RBFOX1: variants seen among roughly 807,000 people sequenced by gnomAD.
The protein encoded by RBFOX1 is RNA binding protein fox-1 homolog 1.
A neutral mutation model predicts 57.7 loss-of-function variants in RBFOX1; 8 were observed. That is an observed-to-expected ratio of 0.14 (90% CI 0.08 to 0.25). The LOEUF (loss-of-function observed/expected upper bound fraction) is 0.25, where lower values mean the gene tolerates loss of function less well. Among genes scored for constraint, RBFOX1 ranks in the 10% least tolerant of loss-of-function variants. RBFOX1 has a pLI of 1.00. For synonymous variants in RBFOX1, 326 were observed against 222.4 expected (o/e 1.47, Z -4.15); for missense variants, 611 against 548.5 (o/e 1.11, Z -1.14).
intron 3 of RBFOX1, among the ~76,000 whole-genome samples, chr16:6,828,114 A>C (rs891957340): frequency 6.6e-6 from 1 of 152,198 alleles, no homozygotes; most frequent in East Asian, 1.9e-4. Flanking sequence ...TACAGGTGGC[A>C]TGGGACAGCA....
At chr16:7,047,969 G>A (rs1199759226) in intron 3 of RBFOX1, among the ~76,000 whole-genome samples, 1 of 141,612 alleles carries the variant, frequency 7.1e-6, no homozygotes, top group Non-Finnish European at 1.5e-5. Context: ...ACCTCCCCCT[G>A]CCGGGTTCAA....
intron 2 of RBFOX1, among the ~76,000 whole-genome samples, chr16:6,473,117 C>G (rs2095216027): frequency 6.6e-6 from 1 of 152,140 alleles, no homozygotes; most frequent in Admixed American, 6.5e-5. Flanking sequence ...CCAGGATGCC[C>G]TGCAACACAT....
At chr16:7,287,688 ACAC>A (rs1325600869) in intron 4 of RBFOX1, among the ~76,000 whole-genome samples, 4 of 152,248 alleles carry the variant, frequency 2.6e-5, no homozygotes, top group African/African-American at 7.2e-5. Context: ...TCGCCTCTCA[ACAC>A]CACATTTGGG....
At position 6,867,165 on chromosome 16, in the gene RBFOX1, G is replaced by C. The variant is rs563845789; in HGVS notation, c.-15-184892G>C. 1.6e-4 allele frequency among the ~76,000 whole-genome samples: 24 copies of C among 152,230 alleles called. No homozygotes were observed. The South Asian group carries it at 5.0e-3, about 32-fold the overall frequency. ...GAGATGTACTAAGTGCAGAAGTTTT[G>C]TGAGTTTTCTTCTTGGTCTTGCAAA... On this transcript the variant is annotated intron_variant, in intron 3 of 15. Transcript: ENST00000550418.
intron 2 of RBFOX1, among the ~76,000 whole-genome samples, chr16:5,534,145 G>A (rs972719339): frequency 1.2e-4 from 18 of 152,152 alleles, no homozygotes; most frequent in African/African-American, 4.3e-4. Flanking sequence ...GCCTAGTCAG[G>A]TGCCTAGGGT....
intron 1 of RBFOX1, among the ~76,000 whole-genome samples, chr16:6,033,120 G>A (rs183811073): frequency 1.2e-4 from 19 of 152,230 alleles, no homozygotes; most frequent in Admixed American, 2.6e-4. Flanking sequence ...AGCAAATTGC[G>A]TGCTAATAGT....
chr16:6,310,332 G>A (rs533945017), intron 1 of RBFOX1, among the ~76,000 whole-genome samples: 5 of 152,296 alleles, frequency 3.3e-5, no homozygotes, highest in African/African-American at 1.2e-4. Context: ...TGCTGTGATG[G>A]CTTATGATAC....
chr16:5,974,923 G>A (rs2060032076), intron 4 of RBFOX1, among the ~76,000 whole-genome samples: 2 of 152,070 alleles, frequency 1.3e-5, no homozygotes, highest in African/African-American at 4.8e-5. Context: ...CAGGAGAATT[G>A]CTGGAACCTA....
At chr16:7,600,636 G>C (rs994433124) in intron 9 of RBFOX1, among the ~76,000 whole-genome samples, 2 of 152,252 alleles carry the variant, frequency 1.3e-5, no homozygotes, top group South Asian at 4.1e-4. Flanking sequence ...TAAATTACTG[G>C]AGCTATCAAA....
chr16:5,558,998 C>T (rs755755691), intron 2 of RBFOX1, among the ~76,000 whole-genome samples: 3 of 152,070 alleles, frequency 2.0e-5, no homozygotes, highest in Admixed American at 6.5e-5. Flanking sequence ...CACACTCTCA[C>T]ACTTTTTGAA....
chr16:5,852,955 A>T (rs1274975632), intron 3 of RBFOX1, among the ~76,000 whole-genome samples: 2 of 152,126 alleles, frequency 1.3e-5, no homozygotes, highest in Non-Finnish European at 2.9e-5. Context: ...CCTGTGCGTT[A>T]CGCTCTGAGT....
chr16:7,391,964 T>A (rs2098034462), intron 4 of RBFOX1, among the ~76,000 whole-genome samples: 1 of 152,230 alleles, frequency 6.6e-6, no homozygotes, highest in Admixed American at 6.5e-5. Flanking sequence ...TGTCACTGAT[T>A]ACTTGCTGCC....
At chr16:5,685,988 T>C (rs921417638) in intron 3 of RBFOX1, among the ~76,000 whole-genome samples, 10 of 152,252 alleles carry the variant, frequency 6.6e-5, no homozygotes, top group African/African-American at 2.4e-4. Flanking sequence ...TATTTCGTGA[T>C]AGACTACTGT....
rs564165596 is a variant in RBFOX1 at position 5,836,648 on chromosome 16, G to A, written c.319-30655G>A. Among the ~76,000 whole-genome samples, 19 of 152,156 alleles carry A rather than the reference G, an allele frequency of 1.2e-4. 1 individual carries two copies. Among genetic ancestry groups the A allele is most frequent in the Non-Finnish European group, 1.9e-4 (13 of 68,032 alleles). On this transcript the variant is annotated intron_variant, in intron 3 of 19. Transcript: ENST00000641259. ...ATTTCTCAAACTTTGCACTGTGGAC[G>A]TTTGGGGGCTGGGTTATTCTTTGTT...
intron 3 of RBFOX1, among the ~76,000 whole-genome samples, chr16:5,611,711 C>CCATCCGTCCATCT (rs1331672973): frequency 6.7e-6 from 1 of 148,650 alleles, no homozygotes; most frequent in African/African-American, 2.5e-5. Flanking sequence ...CTCTCCCATC[C>CCATCCGTCCATCT]ATCCATCTAT....
chr16:6,069,341 T>C (rs1195751091), intron 1 of RBFOX1, among the ~76,000 whole-genome samples: 5 of 142,124 alleles, frequency 3.5e-5, no homozygotes, highest in Non-Finnish European at 7.5e-5. Context: ...GAGGTTGCAG[T>C]GAGCCGAGAT....
chr16:6,415,636 G>A (rs577809786), intron 2 of RBFOX1, among the ~76,000 whole-genome samples: 3 of 152,202 alleles, frequency 2.0e-5, no homozygotes, highest in African/African-American at 7.2e-5. Context: ...GGGAGATGGA[G>A]GTTGCAGTGA....
intron 13 of RBFOX1, among the ~76,000 whole-genome samples, chr16:7,673,713 A>C (rs2072352077): frequency 2.6e-5 from 4 of 152,228 alleles, no homozygotes; most frequent in Admixed American, 2.6e-4. Flanking sequence ...CAAGATGCAC[A>C]ATGACAATTT....
intron 4 of RBFOX1, among the ~76,000 whole-genome samples, chr16:7,228,479 T>C (rs2093291414): frequency 6.6e-6 from 1 of 152,186 alleles, no homozygotes; most frequent in Non-Finnish European, 1.5e-5. Context: ...GTGTTCTCAT[T>C]GAACTTGGTT....
Sources: gnomAD v4.1 joint callset for allele counts (sites outside exome capture counted in the v4.1 genomes callset) on GRCh38, gnomAD v4.1.1 for gene constraint, MANE v1.5 for transcripts, NCBI Gene and HGNC (gene_info 2026-07-23, HGNC 2026-07-21) for gene names.